Variants in EPN1 observed in about 807,000 individuals in gnomAD.
EPN1 encodes epsin 1, also known as epsin-1.
Under a neutral mutation model 56.9 loss-of-function variants are expected in EPN1, and 25 were observed. The observed-to-expected ratio is 0.44, with a 90% confidence interval of 0.32 to 0.61. The LOEUF is 0.61. Ranked by LOEUF, EPN1 falls within the 20% of genes least tolerant of loss-of-function variation. The pLI, the probability that EPN1 is intolerant of heterozygous loss-of-function variation, is 0.05. For missense variants in EPN1, 785 were observed against 823.7 expected (o/e 0.95, Z 0.58); for synonymous variants, 411 against 361.8 (o/e 1.14, Z -1.54).
At position 55,691,536 on chromosome 19, in the gene EPN1, C is replaced by T. The variant is rs534087130; in HGVS notation, c.763-218C>T. Among the ~76,000 whole-genome samples, 4 of 131,620 alleles carry T rather than the reference C, an allele frequency of 3.0e-5. No individual in the cohort carries two copies. Among genetic ancestry groups the T allele is most frequent in the African/African-American group, 5.7e-5 (2 of 35,218 alleles). 86.3% of individuals were successfully genotyped at this position (131,620 alleles called of 152,430 possible). A position where few individuals can be genotyped will look rare whatever the true frequency, so the allele number is the denominator to read the frequency against. On this transcript the variant is annotated intron_variant, in intron 6 of 10. Coordinates refer to ENST00000270460, the MANE Select transcript of EPN1 (RefSeq NM_001130072.2). This position sits in a 1 kb window ranked among gnomAD's most constrained non-coding sequence, Gnocchi z 5.6. ...TGTTGGGGCTCCCTGGTGGTACCCTCGGGTGGGGTAGGTGGGCAGGGGTGG... is the reference window on the plus strand; with the variant it reads ...TGTTGGGGCTCCCTGGTGGTACCCTTGGGTGGGGTAGGTGGGCAGGGGTGG...
Position 55,706,142 on chromosome 19 carries a change from C to CTTT in EPN1, c.*10788_*10789insTTT. 1 of 185,188 alleles carries CTTT rather than the reference C, an allele frequency of 5.4e-6. No homozygotes were observed. The allele number at this position is 185,188 out of a possible 1,614,324, so 11.5% of individuals were successfully genotyped here. A position where few individuals can be genotyped will look rare whatever the true frequency, so the allele number is the denominator to read the frequency against. ...TTATGAGACTGGAGAACTTTGATTT[C>CTTT]TTCTTCCTCCTCCTCCTCTCTTTTC... On this transcript the variant is annotated 3_prime_UTR_variant, in exon 11 of 11. Transcript: ENST00000270460.
intron 2 of EPN1, among the ~76,000 whole-genome samples, chr19:55,681,041 G>C (rs1985784247): frequency 6.6e-6 from 1 of 152,232 alleles, no homozygotes; most frequent in Non-Finnish European, 1.5e-5. Context: ...GCTCGTGGGG[G>C]AGCTGGGGCT....
Position 55,702,445 on chromosome 19 carries a change from GA to G in EPN1, c.*7091del, listed in dbSNP as rs1309700691. ...TTAGTGTGCCTAAAGAAAGGGAAAG[GA>G]ATGTGCTTTAGGCCCACTGTTTTCA... On this transcript the variant is annotated 3_prime_UTR_variant, in exon 11 of 11. Coordinates refer to ENST00000270460, the MANE Select transcript of EPN1 (RefSeq NM_001130072.2). 2 of 152,244 alleles carry G rather than the reference GA, an allele frequency of 1.3e-5. No homozygotes were observed. Among genetic ancestry groups the G allele is most frequent in the African/African-American group, 4.8e-5 (2 of 41,450 alleles). The allele number at this position is 152,244 out of a possible 1,614,324, so 9.4% of individuals were successfully genotyped here.
At chr19:55,684,712 A>C (rs1280704413) in intron 2 of EPN1, among the ~76,000 whole-genome samples, 1 of 152,216 alleles carries the variant, frequency 6.6e-6, no homozygotes, top group Non-Finnish European at 1.5e-5. Context: ...GAGGTTTTAC[A>C]GTCAGAAATA....
chr19:55,681,333 G>A (rs1985806863), intron 2 of EPN1, among the ~76,000 whole-genome samples: 1 of 152,222 alleles, frequency 6.6e-6, no homozygotes. Flanking sequence ...TTCCAGATGA[G>A]GGAACTGAGA....
At chr19:55,692,914 C>A in intron 8 of EPN1, 37 bp from the exon 9 acceptor site, 1 of 1,610,670 alleles carries the variant, frequency 6.2e-7, no homozygotes, top group African/African-American at 1.3e-5. Flanking sequence ...AGGCGGGGCC[C>A]CAGGGAGGGG....
In EPN1 at chr19:55,689,231, C is replaced by G; in HGVS notation, c.604-66C>G. 1 of 1,286,118 alleles carries G rather than the reference C, an allele frequency of 7.8e-7. No individual in the cohort carries two copies. Among genetic ancestry groups the G allele is most frequent in the Admixed American group, 2.0e-5 (1 of 50,158 alleles). 79.7% of individuals were successfully genotyped at this position (1,286,118 alleles called of 1,614,324 possible). ...TCTCTTTCTTCGGCTCTATCTGACC[C>G]TGGCTCTGCCTCTGACTCTGCCTCT... is the stretch of plus-strand genomic sequence containing the variant. On this transcript the variant is annotated intron_variant, in intron 4 of 10. Transcript: ENST00000270460. This position sits in a 1 kb window ranked among gnomAD's most constrained non-coding sequence, Gnocchi z 5.7.
In EPN1 at chr19:55,694,562, T is replaced by A; in HGVS notation, c.1265-164T>A. On this transcript the variant is annotated intron_variant, in intron 9 of 10. Transcript: ENST00000270460. This position sits in a 1 kb window ranked among gnomAD's most constrained non-coding sequence, Gnocchi z 4.2. ...GGGAATCTGGGCTGACGTGAGGTTTTGGCCTGGGCAAGCGATGCTTCCGCT... is the reference window on the plus strand; with the variant it reads ...GGGAATCTGGGCTGACGTGAGGTTTAGGCCTGGGCAAGCGATGCTTCCGCT... 1.3e-6 allele frequency: 1 copy of A among 783,812 alleles called. No individual in the cohort carries two copies. 48.6% of individuals were successfully genotyped at this position (783,812 alleles called of 1,614,324 possible).
At chr19:55,690,738 C>T (rs1319866252) in intron 6 of EPN1, among the ~76,000 whole-genome samples, 1 of 152,224 alleles carries the variant, frequency 6.6e-6, no homozygotes, top group South Asian at 2.1e-4. Context: ...GTCCTGAGGC[C>T]AGCCCAAGTT....
In EPN1 at chr19:55,695,064, G is replaced by T; in HGVS notation, c.1522+81G>T. 6.3e-7 allele frequency: 1 copy of T among 1,598,924 alleles called. No individual in the cohort carries two copies. Among genetic ancestry groups the T allele is most frequent in the South Asian group, 1.1e-5 (1 of 89,072 alleles). On this transcript the variant is annotated intron_variant, in intron 10 of 10. Transcript: ENST00000270460. The surrounding 1 kb of genome is among the most constrained non-coding windows in gnomAD (Gnocchi z 4.4). ...GTGCCTCACGGGGCAGGGACACTTC[G>T]CCCTTTGCCTGCACATGCTGGATGG...
rs1986422657 is a variant in EPN1, at chr19:55,689,897, C to T, written c.709C>T (p.Arg237Trp). 5 of 1,606,264 alleles carry T rather than the reference C, an allele frequency of 3.1e-6. No homozygotes were observed. Among genetic ancestry groups the T allele is most frequent in the Non-Finnish European group, 4.2e-6 (5 of 1,176,804 alleles). ...EERIRRGDDL[R>W]LQMAIEESKR... The stretch of plus-strand genomic sequence containing the variant: ...GCGGATCCGTCGCGGGGATGACCTG[C>T]GGCTGCAGATGGCAATCGAGGAGAG... The change falls in exon 6 of 11, where the codon CGG becomes TGG. Residue 237 changes from arginine (R) to tryptophan (W), a missense_variant. This residue lies in a region of EPN1 where 650 missense variants were observed against 605.0 expected (regional missense o/e 1.07). Transcript: ENST00000270460. The surrounding 1 kb of genome is among the most constrained non-coding windows in gnomAD (Gnocchi z 5.7).
rs560016820 is a variant in EPN1 at position 55,692,254 on chromosome 19, A to G, written c.1066+197A>G. ...TGTGTGAGATTGTGCCTTGGAGGAC[A>G]TGGGGGGTGTGCTGTGGGGAGGGGA... On this transcript the variant is annotated intron_variant, in intron 7 of 10. Coordinates refer to ENST00000270460, the MANE Select transcript of EPN1 (RefSeq NM_001130072.2). Among the ~76,000 whole-genome samples, 25 of 150,858 alleles carry G rather than the reference A, an allele frequency of 1.7e-4. No homozygotes were observed. The East Asian group carries it at 4.3e-3, about 26-fold the overall frequency.
At chr19:55,687,299 G>A (rs569370581) in intron 3 of EPN1, among the ~76,000 whole-genome samples, 1 of 152,228 alleles carries the variant, frequency 6.6e-6, no homozygotes, top group African/African-American at 2.4e-5. Flanking sequence ...TGGGGAGGAG[G>A]ATGGGGGCAG....
In EPN1 at chr19:55,702,797, CTGT is replaced by C. The variant is rs72529198; in HGVS notation, c.*7446_*7448del. The C allele has an allele frequency of 0.13, 18,910 of 140,708 alleles. 1,291 individuals are homozygous for C. Among genetic ancestry groups the C allele is most frequent in the East Asian group, 0.27 (1,283 of 4,696 alleles). 8.7% of individuals were successfully genotyped at this position (140,708 alleles called of 1,614,324 possible). A position where few individuals can be genotyped will look rare whatever the true frequency, so the allele number is the denominator to read the frequency against. ...GCATTTACTCCTTTCTTTTCTTTCA[CTGT>C]TGTTTTTTTTTTGAGACGGAGTCTT... On this transcript the variant is annotated 3_prime_UTR_variant, in exon 11 of 11. Transcript: ENST00000270460.
In EPN1 at chr19:55,699,178, G is replaced by C. The variant is rs1017982341; in HGVS notation, c.*3822G>C. 1 of 152,108 alleles carries C rather than the reference G, an allele frequency of 6.6e-6. No homozygotes were observed. The highest frequency in any genetic ancestry group is 1.5e-5 in the Non-Finnish European group (1 of 68,046). The allele number at this position is 152,108 out of a possible 1,614,324, so 9.4% of individuals were successfully genotyped here. A position where few individuals can be genotyped will look rare whatever the true frequency, so the allele number is the denominator to read the frequency against. On this transcript the variant is annotated 3_prime_UTR_variant, in exon 11 of 11. Coordinates refer to ENST00000270460, the MANE Select transcript of EPN1 (RefSeq NM_001130072.2). Reference sequence around the variant, plus strand: ...ACGCATTAACTCGTCATTTACATTAGGTATATCTCCTAATGCCTTCCCTCC... The same window carrying C: ...ACGCATTAACTCGTCATTTACATTACGTATATCTCCTAATGCCTTCCCTCC...
In EPN1 at chr19:55,705,518, A is replaced by G. The variant is rs1482874801; in HGVS notation, c.*10162A>G. On this transcript the variant is annotated 3_prime_UTR_variant, in exon 11 of 11. Coordinates refer to ENST00000270460, the MANE Select transcript of EPN1 (RefSeq NM_001130072.2). ...ACAAAAATTAGTCATGCATAGTGGC[A>G]TGCACCTGTAGTCCCAGCTACTCGG... The G allele has an allele frequency of 6.6e-6, 1 of 152,122 alleles. No individual in the cohort carries two copies. Among genetic ancestry groups the G allele is most frequent in the South Asian group, 2.1e-4 (1 of 4,824 alleles). The allele number at this position is 152,122 out of a possible 1,614,324, so 9.4% of individuals were successfully genotyped here.
chr19:55,679,253 T>A (rs1600094998), intron 2 of EPN1, among the ~76,000 whole-genome samples: 1 of 152,274 alleles, frequency 6.6e-6, no homozygotes, highest in African/African-American at 2.4e-5. Flanking sequence ...GGATGAACGC[T>A]GTCGTGCCTG....
rs1431442171 is a variant in EPN1, at chr19:55,696,903, T to G, written c.*1547T>G. 6.6e-6 allele frequency: 1 copy of G among 152,272 alleles called. No individual in the cohort carries two copies. The highest frequency in any genetic ancestry group is 2.1e-4 in the South Asian group (1 of 4,838). 9.4% of individuals were successfully genotyped at this position (152,272 alleles called of 1,614,324 possible). On this transcript the variant is annotated 3_prime_UTR_variant, in exon 11 of 11. Transcript: ENST00000270460. The stretch of plus-strand genomic sequence containing the variant: ...TGTCGGAGCGTTCTCTGGCCTCCAC[T>G]TGCCCCTGCAGACCAGGGTGTCTGG...
In EPN1 at chr19:55,703,278, C is replaced by CTGTGTG. The variant is rs113664363; in HGVS notation, c.*7932_*7937dup. 5 of 151,352 alleles carry CTGTGTG rather than the reference C, an allele frequency of 3.3e-5. No individual in the cohort carries two copies. Among genetic ancestry groups the CTGTGTG allele is most frequent in the Non-Finnish European group, 5.9e-5 (4 of 67,906 alleles). The allele number at this position is 151,352 out of a possible 1,614,324, so 9.4% of individuals were successfully genotyped here. ...GTGCCCTCAACCAAGGAGATAGCTG[C>CTGTGTG]TGTGTGTGTGTGTGTTGTGTGTGGT... On this transcript the variant is annotated 3_prime_UTR_variant, in exon 11 of 11. Coordinates refer to ENST00000270460, the MANE Select transcript of EPN1 (RefSeq NM_001130072.2).
Sources: gnomAD v4.1 joint callset for allele counts (sites outside exome capture counted in the v4.1 genomes callset) on GRCh38, gnomAD v4.1.1 for gene constraint, gnomAD v4.1.1 regional missense constraint, Gnocchi (gnomAD v3.1) non-coding constraint, MANE v1.5 for transcripts, NCBI Gene and HGNC (gene_info 2026-07-23, HGNC 2026-07-21) for gene names.